Variants in KMT2C observed in about 807,000 individuals in gnomAD.
KMT2C encodes the protein histone-lysine N-methyltransferase 2C.
KMT2C carries 88 observed loss-of-function variants against 507.9 expected under a neutral mutation model. That is an observed-to-expected ratio of 0.17 (90% CI 0.15 to 0.21). The LOEUF (loss-of-function observed/expected upper bound fraction) is 0.21, where lower values mean the gene tolerates loss of function less well. Among genes scored for constraint, KMT2C ranks in the 10% least tolerant of loss-of-function variants. The pLI is 1.00. For missense variants in KMT2C, 4,954 were observed against 5,957.8 expected (o/e 0.83, Z 5.55); for synonymous variants, 2,049 against 2,080.8 (o/e 0.98, Z 0.42).
At chr7:152,296,724 C>A (rs770383810) in intron 6 of KMT2C, among the ~76,000 whole-genome samples, 8 of 152,030 alleles carry the variant, frequency 5.3e-5, no homozygotes, top group Non-Finnish European at 8.8e-5. Flanking sequence ...ACCCTAACTC[C>A]TAATTTTCTA....
intron 1 of KMT2C, among the ~76,000 whole-genome samples, chr7:152,395,068 G>C (rs542678029): frequency 3.5e-4 from 54 of 152,188 alleles, no homozygotes; most frequent in Non-Finnish European, 6.6e-4. Context: ...CAATCGTAAG[G>C]CATGCCAATT....
chr7:152,330,860 A>G (rs571826975), intron 2 of KMT2C, 121 bp from the exon 3 acceptor site: 1 of 924,134 alleles, frequency 1.1e-6, no homozygotes, highest in African/African-American at 1.6e-5. Context: ...ACAATATTTC[A>G]CTAACACAAG....
chr7:152,302,481 G>A (rs553506822), intron 6 of KMT2C, among the ~76,000 whole-genome samples: 25 of 152,128 alleles, frequency 1.6e-4, no homozygotes, highest in African/African-American at 4.8e-4. Context: ...CAAAGTGCTA[G>A]GATTACAGGC....
At chr7:152,363,071 G>A (rs570773798) in intron 1 of KMT2C, among the ~76,000 whole-genome samples, 1 of 152,078 alleles carries the variant, frequency 6.6e-6, no homozygotes, top group Non-Finnish European at 1.5e-5. Flanking sequence ...CAAAGATAAT[G>A]GTCATACTCT....
rs2092284789 is a variant in KMT2C at position 152,159,031 on chromosome 7, G to A, written c.11502C>T (p.Gly3834=). 1.2e-6 allele frequency: 2 copies of A among 1,614,136 alleles called. No homozygotes were observed. Among genetic ancestry groups the A allele is most frequent in the East Asian group, 2.2e-5 (1 of 44,874 alleles). ...GAQMQGGFGC[G]NQLPKTDGGS... ...CTCCATCTGTTTTTGGCAACTGGTT[G>A]CCACATCCAAAACCACCTTGCATTT... The change falls in exon 44 of 59, where the codon GGC becomes GGT. Residue 3834 remains glycine, a synonymous_variant. Transcript: ENST00000262189.
intron 11 of KMT2C, 79 bp downstream of exon 11, chr7:152,251,860 T>C: frequency 2.1e-6 from 2 of 974,330 alleles, no homozygotes; most frequent in Middle Eastern, 3.2e-4. Context: ...CTCTTCCTGA[T>C]TAAAGCAATA....
At chr7:152,308,125 A>G (rs1589088005) in intron 6 of KMT2C, among the ~76,000 whole-genome samples, 1 of 152,220 alleles carries the variant, frequency 6.6e-6, no homozygotes, top group Non-Finnish European at 1.5e-5. Context: ...TAAAATTTCC[A>G]AAACAAGCAC....
At chr7:152,228,620 A>G (rs1249879988) in intron 18 of KMT2C, among the ~76,000 whole-genome samples, 1 of 152,212 alleles carries the variant, frequency 6.6e-6, no homozygotes, top group Admixed American at 6.5e-5. Flanking sequence ...AGTCGTACTC[A>G]TCTGTAAAAT....
chr7:152,316,968 A>G (rs2096728189), intron 3 of KMT2C, among the ~76,000 whole-genome samples: 2 of 152,172 alleles, frequency 1.3e-5, no homozygotes, highest in East Asian at 1.9e-4. Context: ...TTATTTCACC[A>G]TATCCCATTT....
At chr7:152,297,075 GAGAGAGAGAGAGAGAGAGAA>G (rs2096520468) in intron 6 of KMT2C, among the ~76,000 whole-genome samples, 1 of 124,036 alleles carries the variant, frequency 8.1e-6, no homozygotes, top group African/African-American at 3.9e-5. Context: ...GAGAGAGAGA[GAGAGAGAGAGAGAGAGAGAA>G]AGAAAGAAAG....
rs181748073 is a variant in KMT2C, at chr7:152,360,912, C to A, written c.162-2237G>T. Among the ~76,000 whole-genome samples, 505 of 148,796 alleles carry A rather than the reference C, an allele frequency of 3.4e-3. 1 individual carries two copies. The highest frequency in any genetic ancestry group is 6.3e-3 in the South Asian group (30 of 4,726). ...GGTTTTATAATTAAACTACTAAAAA[C>A]TATCAAAAAGTCGGTCTTAACCAAA... On this transcript the variant is annotated intron_variant, in intron 1 of 58. Transcript: ENST00000262189.
chr7:152,258,534 G>T (rs2095701569), intron 9 of KMT2C, among the ~76,000 whole-genome samples: 1 of 151,948 alleles, frequency 6.6e-6, no homozygotes, highest in Admixed American at 6.6e-5. Flanking sequence ...TGTTGTTGTT[G>T]TTGTTTTTGA....
chr7:152,397,125 A>C (rs1177602708), intron 1 of KMT2C, among the ~76,000 whole-genome samples: 2 of 152,152 alleles, frequency 1.3e-5, no homozygotes, highest in Non-Finnish European at 2.9e-5. Flanking sequence ...AATCTAGAAG[A>C]CAATTTTAAT....
At chr7:152,356,519 TG>T (rs925483561) in intron 2 of KMT2C, among the ~76,000 whole-genome samples, 22 of 151,744 alleles carry the variant, frequency 1.4e-4, no homozygotes, top group Admixed American at 2.0e-4. Context: ...GAGGTTGCAG[TG>T]AGCCAAGATC....
At position 152,136,545 on chromosome 7, in the gene KMT2C, CA is replaced by C; in HGVS notation, c.*286del. ...ACCCACCCACAAGGGAAAAACAAAA[CA>C]AAAAACAAACAAAAAAAAAAGAAAA... On this transcript the variant is annotated 3_prime_UTR_variant, in exon 59 of 59. Coordinates refer to ENST00000262189, the MANE Select transcript of KMT2C (RefSeq NM_170606.3). The C allele has an allele frequency of 2.9e-6, 1 of 342,444 alleles. No individual in the cohort carries two copies. The highest frequency in any genetic ancestry group is 5.3e-6 in the Non-Finnish European group (1 of 188,072). The allele number at this position is 342,444 out of a possible 1,614,324, so 21.2% of individuals were successfully genotyped here. A position where few individuals can be genotyped will look rare whatever the true frequency, so the allele number is the denominator to read the frequency against.
At chr7:152,335,415 G>C (rs1589265723) in intron 2 of KMT2C, among the ~76,000 whole-genome samples, 1 of 152,244 alleles carries the variant, frequency 6.6e-6, no homozygotes, top group East Asian at 1.9e-4. Context: ...AACTTAAGGA[G>C]GAATAAGAAT....
intron 7 of KMT2C, among the ~76,000 whole-genome samples, chr7:152,268,934 T>C (rs1247946510): frequency 1.3e-5 from 2 of 152,192 alleles, no homozygotes; most frequent in East Asian, 3.8e-4. Context: ...AAATGCACAC[T>C]GGATTCCAAA....
Position 152,146,451 on chromosome 7 carries a change from C to A in KMT2C, c.14031+148G>T, listed in dbSNP as rs933889614. On this transcript the variant is annotated intron_variant, in intron 53 of 58. Transcript: ENST00000262189. Reference sequence around the variant, plus strand: ...ACGGCTGAGCTCTCCCGATTAATCACCAATGCCTTATTCCTCTAAGAGAAA... The same window carrying A: ...ACGGCTGAGCTCTCCCGATTAATCAACAATGCCTTATTCCTCTAAGAGAAA... The A allele has an allele frequency of 1.4e-5, 10 of 731,044 alleles. No homozygotes were observed. The Admixed American group carries it at 2.4e-4, about 18-fold the overall frequency. 45.3% of individuals were successfully genotyped at this position (731,044 alleles called of 1,614,324 possible).
At chr7:152,202,192 T>C (rs1294599147) in intron 26 of KMT2C, among the ~76,000 whole-genome samples, 3 of 152,206 alleles carry the variant, frequency 2.0e-5, no homozygotes, top group Admixed American at 6.5e-5. Flanking sequence ...CTCTCAATGA[T>C]AGTCTGTTCC....
Sources: gnomAD v4.1 joint callset for allele counts (sites outside exome capture counted in the v4.1 genomes callset) on GRCh38, gnomAD v4.1.1 for gene constraint, MANE v1.5 for transcripts, NCBI Gene and HGNC (gene_info 2026-07-23, HGNC 2026-07-21) for gene names.